The following TSC22D4 variants were observed in gnomAD, a reference collection of about 807,000 sequenced individuals.
The protein encoded by TSC22D4 is TSC22 domain family protein 4.
Under a neutral mutation model 24.9 loss-of-function variants are expected in TSC22D4, and 5 were observed. The ratio of observed to expected loss-of-function variants is 0.20; its 90% CI spans 0.10 to 0.42. The LOEUF (loss-of-function observed/expected upper bound fraction) is 0.42, where lower values mean the gene tolerates loss of function less well. TSC22D4 is among the 10% of genes least tolerant of loss of function. The pLI, the probability that TSC22D4 is intolerant of heterozygous loss-of-function variation, is 1.00. For missense variants in TSC22D4, 469 were observed against 547.9 expected, an observed-to-expected ratio of 0.86 and a Z score of 1.44; for synonymous variants, 245 against 243.2, an observed-to-expected ratio of 1.01 and a Z score of -0.07.
chr7:100,472,693 C>G (rs1330742314), intron 3 of TSC22D4, among the ~76,000 whole-genome samples: 1 of 152,042 alleles, frequency 6.6e-6, no homozygotes, highest in Non-Finnish European at 1.5e-5. Flanking sequence ...AGAAGCCACC[C>G]AGTCCTGCCC....
intron 1 of TSC22D4, 37 bp from the exon 2 acceptor site, chr7:100,478,344 A>AGTGTGT (rs1799553281): frequency 3.5e-6 from 1 of 289,152 alleles, no homozygotes; most frequent in South Asian, 3.8e-5. Context: ...AGAGAGAGAG[A>AGTGTGT]GAGAGAGTGT....
In TSC22D4 at chr7:100,477,238, G is replaced by T. The variant is rs1369556691; in HGVS notation, c.762+39C>A. 6.9e-7 allele frequency: 1 copy of T among 1,448,222 alleles called. No individual in the cohort carries two copies. The highest frequency in any genetic ancestry group is 1.6e-5 in the South Asian group (1 of 61,784). The allele number at this position is 1,448,222 out of a possible 1,614,324, so 89.7% of individuals were successfully genotyped here. A position where few individuals can be genotyped will look rare whatever the true frequency, so the allele number is the denominator to read the frequency against. ...GAAGGAGGCTCAAGATAGAGGTTAGGCCAGGGCTGATGGGCCAGCCCTAGA... is the reference window on the plus strand; with the variant it reads ...GAAGGAGGCTCAAGATAGAGGTTAGTCCAGGGCTGATGGGCCAGCCCTAGA... On this transcript the variant is annotated intron_variant, in intron 2 of 4. Transcript: ENST00000300181. This position sits in a 1 kb window ranked among gnomAD's most constrained non-coding sequence, Gnocchi z 7.8.
intron 1 of TSC22D4, 43 bp from the exon 2 acceptor site, chr7:100,478,350 A>AGCGTGTGTGTGT (rs1228276528): frequency 1.2e-5 from 1 of 82,804 alleles, no homozygotes; most frequent in Non-Finnish European, 2.1e-5. Context: ...AGAGAGAGAG[A>AGCGTGTGTGTGT]GTGTGTGTGT....
Position 100,478,102 on chromosome 7 carries a change from G to A in TSC22D4, c.-64C>T, listed in dbSNP as rs1320924986. 1.2e-5 allele frequency: 17 copies of A among 1,412,670 alleles called. No individual in the cohort carries two copies. The South Asian group carries it at 2.3e-4, about 19-fold the overall frequency. 87.5% of individuals were successfully genotyped at this position (1,412,670 alleles called of 1,614,324 possible). A position where few individuals can be genotyped will look rare whatever the true frequency, so the allele number is the denominator to read the frequency against. On this transcript the variant is annotated 5_prime_UTR_variant, in exon 2 of 5. Coordinates refer to ENST00000300181, the MANE Select transcript of TSC22D4 (RefSeq NM_030935.5). ...GGTTGGGGCTCCTTGAAGGGGCTCA[G>A]GCACCCCTGGAACAAGGGGGCCACA...
intron 3 of TSC22D4, among the ~76,000 whole-genome samples, chr7:100,469,225 C>CT (rs1429988606): frequency 8.0e-6 from 1 of 124,850 alleles, no homozygotes; most frequent in Non-Finnish European, 1.6e-5. Flanking sequence ...AAAACTCTGT[C>CT]TTAAAAAAAA....
At chr7:100,471,228 G>A (rs915133332) in intron 3 of TSC22D4, among the ~76,000 whole-genome samples, 10 of 151,760 alleles carry the variant, frequency 6.6e-5, no homozygotes, top group South Asian at 4.2e-4. Context: ...TGGGGAGGTC[G>A]GGGAGGGGGA....
chr7:100,478,178 G>A lies in TSC22D4; in HGVS notation c.-140C>T, dbSNP rs1487940793. The A allele has an allele frequency of 7.1e-6, 5 of 703,606 alleles. No individual in the cohort carries two copies. The highest frequency in any genetic ancestry group is 4.1e-4 in the Middle Eastern group (1 of 2,460). 43.6% of individuals were successfully genotyped at this position (703,606 alleles called of 1,614,324 possible). On this transcript the variant is annotated 5_prime_UTR_variant, in exon 2 of 5. Transcript: ENST00000300181. Reference sequence around the variant, plus strand: ...GACGTCTGGGTCCGACATGGCAGGAGGGCCTGGCGGGAACCGGGGGTGCCT... The same window carrying A: ...GACGTCTGGGTCCGACATGGCAGGAAGGCCTGGCGGGAACCGGGGGTGCCT...
Position 100,466,827 on chromosome 7 carries a change from G to T in TSC22D4, c.*132C>A. The stretch of plus-strand genomic sequence containing the variant: ...ATGAGGAGATGGGGCAGGGGCCGGG[G>T]GACCAGGCCATTACTGAGCCTTGAA... On this transcript the variant is annotated 3_prime_UTR_variant, in exon 5 of 5. Transcript: ENST00000300181. 1 of 877,512 alleles carries T rather than the reference G, an allele frequency of 1.1e-6. No homozygotes were observed. The highest frequency in any genetic ancestry group is 1.7e-6 in the Non-Finnish European group (1 of 579,886). 54.4% of individuals were successfully genotyped at this position (877,512 alleles called of 1,614,324 possible).
intron 2 of TSC22D4, among the ~76,000 whole-genome samples, chr7:100,475,442 C>CA (rs1312236233): frequency 2.0e-5 from 3 of 152,208 alleles, no homozygotes; most frequent in Non-Finnish European, 4.4e-5. Flanking sequence ...CCCCATCATT[C>CA]ACTGGTTTAC....
In TSC22D4 at chr7:100,474,318, G is replaced by C. The variant is rs370266448; in HGVS notation, c.885C>G (p.His295Gln). 3 of 1,614,024 alleles carry C rather than the reference G, an allele frequency of 1.9e-6. No individual in the cohort carries two copies. In the African/African-American group the frequency reaches 4.0e-5, roughly 22 times the overall value. ...AVAAQKFSLA[H>Q]SMLAISGHLD... ...GGTGACCACTGATGGCCAACATGGA[G>C]TGGGCCAGGCTGAACTTCTGAGCTG... is the stretch of plus-strand genomic sequence containing the variant. The change falls in exon 3 of 5, where the codon CAC becomes CAG. Residue 295 changes from histidine (H) to glutamine (Q), a missense_variant. His to Gln is a conservative substitution (Grantham distance 24). Coordinates refer to ENST00000300181, the MANE Select transcript of TSC22D4 (RefSeq NM_030935.5). The surrounding 1 kb of genome is among the most constrained non-coding windows in gnomAD (Gnocchi z 4.3).
Position 100,478,126 on chromosome 7 carries a change from C to A in TSC22D4, c.-88G>T. On this transcript the variant is annotated 5_prime_UTR_variant, in exon 2 of 5. It removes an upstream start codon present in the reference 5' UTR. Coordinates refer to ENST00000300181, the MANE Select transcript of TSC22D4 (RefSeq NM_030935.5). Reference sequence around the variant, plus strand: ...AGGCACCCCTGGAACAAGGGGGCCACATGGCGGGGACATCCGAGCCCCTGG... The same window carrying A: ...AGGCACCCCTGGAACAAGGGGGCCAAATGGCGGGGACATCCGAGCCCCTGG... 1.7e-6 allele frequency: 2 copies of A among 1,182,358 alleles called. No homozygotes were observed. Among genetic ancestry groups the A allele is most frequent in the Non-Finnish European group, 1.2e-6 (1 of 859,458 alleles). 73.2% of individuals were successfully genotyped at this position (1,182,358 alleles called of 1,614,324 possible). A position where few individuals can be genotyped will look rare whatever the true frequency, so the allele number is the denominator to read the frequency against.
chr7:100,477,616 C>T lies in TSC22D4; in HGVS notation c.423G>A (p.Pro141=), dbSNP rs746258124. 12 of 1,598,024 alleles carry T rather than the reference C, an allele frequency of 7.5e-6. No individual in the cohort carries two copies. Among genetic ancestry groups the T allele is most frequent in the African/African-American group, 2.7e-5 (2 of 74,774 alleles). Residue 141 remains proline, a synonymous_variant, in exon 2 of 5, where the codon CCG becomes CCA. Coordinates refer to ENST00000300181, the MANE Select transcript of TSC22D4 (RefSeq NM_030935.5). The surrounding 1 kb of genome is among the most constrained non-coding windows in gnomAD (Gnocchi z 7.8). ...AGGTGGGGCCCTGAGACAGGCCTGACGGTGGGGTGGGGGCGCCCAGGCCGA... is the reference window on the plus strand; with the variant it reads ...AGGTGGGGCCCTGAGACAGGCCTGATGGTGGGGTGGGGGCGCCCAGGCCGA... The part of the protein sequence containing the change: ...ASLGLGAPTP[P]SGLSQGPTSW...
chr7:100,467,424 C>A, intron 4 of TSC22D4, 128 bp downstream of exon 4: 4 of 1,091,324 alleles, frequency 3.7e-6, no homozygotes, highest in Non-Finnish European at 5.5e-6. Flanking sequence ...GGATGCCCAG[C>A]AGCCCAGCAG....
rs1212200145 is a variant in TSC22D4, at chr7:100,478,348, AGAGTGTGTGTGTGT to A, written c.-269-55_-269-42del. The A allele has an allele frequency of 1.6e-3, 363 of 224,264 alleles. 4 individuals carry two copies. Among genetic ancestry groups the A allele is most frequent in the African/African-American group, 0.014 (345 of 24,456 alleles). 13.9% of individuals were successfully genotyped at this position (224,264 alleles called of 1,614,324 possible). On this transcript the variant is annotated intron_variant, in intron 1 of 4. Transcript: ENST00000300181. ...GAGAGAGAGAGAGAGAGAGAGAGAG[AGAGTGTGTGTGTGT>A]GTGTGTGTGTGTGTGTGTGTGTGTG...
Position 100,477,475 on chromosome 7 carries a change from G to A in TSC22D4, c.564C>T (p.Ala188=), listed in dbSNP as rs1228276235. Residue 188 remains alanine (A), a synonymous_variant, in exon 2 of 5, where the codon GCC becomes GCT. Coordinates refer to ENST00000300181, the MANE Select transcript of TSC22D4 (RefSeq NM_030935.5). This position sits in a 1 kb window ranked among gnomAD's most constrained non-coding sequence, Gnocchi z 7.8. ...CTGGGGGGCGCTGCTGGGGTGAGGA[G>A]GCCGACAGTGGGGGTTTCTCTGCCT... is the stretch of plus-strand genomic sequence containing the variant. The part of the protein sequence containing the change: ...KAKAEKPPLS[A]SSPQQRPPEP... 3 of 1,551,998 alleles carry A rather than the reference G, an allele frequency of 1.9e-6. No individual in the cohort carries two copies. Among genetic ancestry groups the A allele is most frequent in the South Asian group, 1.2e-5 (1 of 82,054 alleles).
In TSC22D4 at chr7:100,477,741, G is replaced by C. The variant is rs1799530680; in HGVS notation, c.298C>G (p.Leu100Val). The C allele has an allele frequency of 6.2e-7, 1 of 1,603,134 alleles. No individual in the cohort carries two copies. Among genetic ancestry groups the C allele is most frequent in the African/African-American group, 1.3e-5 (1 of 74,928 alleles). The part of the protein sequence containing the change: ...WTCVDVYERD[L>V]EPHSFGGLLE... ...AGTCCGCCGAAGCTGTGGGGCTCCA[G>C]GTCTCGCTCATAAACATCCACACAC... The change falls in exon 2 of 5, where the codon CTG becomes GTG. Residue 100 changes from leucine (L) to valine (V), a missense_variant. Coordinates refer to ENST00000300181, the MANE Select transcript of TSC22D4 (RefSeq NM_030935.5). The surrounding 1 kb of genome is among the most constrained non-coding windows in gnomAD (Gnocchi z 7.8).
In TSC22D4 at chr7:100,478,856, C is replaced by G. The variant is rs953836516; in HGVS notation, c.-332G>C. Reference sequence around the variant, plus strand: ...CCGGCGCCTAAGAGGTCGGGCTGTCCGTTCCCTGGGGCCTCCTGGCCATGG... The same window carrying G: ...CCGGCGCCTAAGAGGTCGGGCTGTCGGTTCCCTGGGGCCTCCTGGCCATGG... On this transcript the variant is annotated 5_prime_UTR_variant, in exon 1 of 5. Coordinates refer to ENST00000300181, the MANE Select transcript of TSC22D4 (RefSeq NM_030935.5). The G allele has an allele frequency of 6.6e-6, 1 of 152,392 alleles. No homozygotes were observed. The highest frequency in any genetic ancestry group is 1.5e-5 in the Non-Finnish European group (1 of 68,178). The allele number at this position is 152,392 out of a possible 1,614,324, so 9.4% of individuals were successfully genotyped here.
At chr7:100,473,542 A>G (rs1030566628) in intron 3 of TSC22D4, among the ~76,000 whole-genome samples, 67 of 151,918 alleles carry the variant, frequency 4.4e-4, no homozygotes, top group Middle Eastern at 3.4e-3. Context: ...CCTGGGTTCA[A>G]GTGATTCTCC....
chr7:100,477,922 G>A lies in TSC22D4; in HGVS notation c.117C>T (p.Pro39=), dbSNP rs1256998753. The change falls in exon 2 of 5, where the codon CCC becomes CCT. Residue 39 remains proline, a synonymous_variant. Transcript: ENST00000300181. This position sits in a 1 kb window ranked among gnomAD's most constrained non-coding sequence, Gnocchi z 7.8. ...GCTCCCCATTGGGCAGGCGGGGCGGGGGCCCGGTTGGGGGCTGTGGGGTAG... is the reference window on the plus strand; with the variant it reads ...GCTCCCCATTGGGCAGGCGGGGCGGAGGCCCGGTTGGGGGCTGTGGGGTAG... ...DPPTPQPPTG[P]PPRLPNGEPS... is the part of the protein sequence containing the mutation. 1 of 1,553,110 alleles carries A rather than the reference G, an allele frequency of 6.4e-7. No individual in the cohort carries two copies.
Sources: gnomAD v4.1 joint callset for allele counts (sites outside exome capture counted in the v4.1 genomes callset) on GRCh38, gnomAD v4.1.1 for gene constraint, Gnocchi (gnomAD v3.1) non-coding constraint, MANE v1.5 for transcripts, NCBI Gene and HGNC (gene_info 2026-07-23, HGNC 2026-07-21) for gene names.